Variants in MEIKIN observed in about 807,000 individuals in gnomAD.
MEIKIN encodes meiotic kinetochore factor, also known as meiosis-specific kinetochore protein.
intron 12 of MEIKIN, among the ~76,000 whole-genome samples, chr5:131,813,793 C>T (rs1773049445): frequency 6.6e-6 from 1 of 151,974 alleles, no homozygotes; most frequent in Admixed American, 6.6e-5. Flanking sequence ...TTGGAAAGAA[C>T]ATTGTATTAG....
At chr5:131,854,217 T>C (rs1023863854) in intron 10 of MEIKIN, among the ~76,000 whole-genome samples, 1 of 152,208 alleles carries the variant, frequency 6.6e-6, no homozygotes, top group East Asian at 1.9e-4. Flanking sequence ...GATGCCATGC[T>C]AAGTGACATA....
At chr5:131,945,353 G>C (rs1751945022) in intron 1 of MEIKIN, 47 bp downstream of exon 1, 1 of 399,002 alleles carries the variant, frequency 2.5e-6, no homozygotes, top group Admixed American at 4.4e-5. Flanking sequence ...GTCCCGTCCC[G>C]GAGGCAGCTC....
intron 12 of MEIKIN, 63 bp from the exon 13 acceptor site, chr5:131,807,321 T>C (rs1261655997): frequency 5.0e-6 from 2 of 397,734 alleles, no homozygotes; most frequent in African/African-American, 4.1e-5. Context: ...TACTTACTAA[T>C]AACCAGTCTG....
intron 5 of MEIKIN, among the ~76,000 whole-genome samples, chr5:131,931,944 T>C (rs369215918): frequency 1.2e-3 from 188 of 152,336 alleles, no homozygotes; most frequent in African/African-American, 4.3e-3. Flanking sequence ...CTAAGTGGTA[T>C]CCCTATGGCC....
At position 131,887,078 on chromosome 5, in the gene MEIKIN, G is replaced by A. The variant is rs192974926; in HGVS notation, c.704-8030C>T. Reference sequence around the variant, plus strand: ...TTCCCACCTATAGGTAAGAACATGCGGTATTTGGTTTTCTGTCCTTGTGAT... The same window carrying A: ...TTCCCACCTATAGGTAAGAACATGCAGTATTTGGTTTTCTGTCCTTGTGAT... On this transcript the variant is annotated intron_variant, in intron 8 of 12. Coordinates refer to ENST00000442687, the MANE Select transcript of MEIKIN (RefSeq NM_001303622.2). Among the ~76,000 whole-genome samples, 9 of 151,546 alleles carry A rather than the reference G, an allele frequency of 5.9e-5. No individual in the cohort carries two copies. The South Asian group carries it at 6.3e-4, about 11-fold the overall frequency.
chr5:131,820,549 T>C (rs1182572148), intron 11 of MEIKIN, among the ~76,000 whole-genome samples: 2 of 152,218 alleles, frequency 1.3e-5, no homozygotes, highest in African/African-American at 4.8e-5. Context: ...CAGAATGAAT[T>C]TGGAAGTATT....
At chr5:131,817,532 T>C (rs974480552) in intron 12 of MEIKIN, among the ~76,000 whole-genome samples, 25 of 150,914 alleles carry the variant, frequency 1.7e-4, no homozygotes, top group Non-Finnish European at 4.4e-5. Context: ...TGGAATATGG[T>C]GTGAACCTGG....
intron 10 of MEIKIN, among the ~76,000 whole-genome samples, 176 bp downstream of exon 10, chr5:131,854,578 C>T (rs940304694): frequency 2.6e-5 from 4 of 152,132 alleles, no homozygotes; most frequent in African/African-American, 9.7e-5. Context: ...ATTTTTCCTT[C>T]TCTCTTGCAT....
chr5:131,855,032 C>T (rs1750170970), intron 9 of MEIKIN, among the ~76,000 whole-genome samples, 198 bp from the exon 10 acceptor site: 1 of 152,102 alleles, frequency 6.6e-6, no homozygotes, highest in Non-Finnish European at 1.5e-5. Flanking sequence ...CAAACAACAT[C>T]CAAGAGAACT....
At chr5:131,905,184 C>A (rs1751223737) in intron 8 of MEIKIN, among the ~76,000 whole-genome samples, 1 of 152,100 alleles carries the variant, frequency 6.6e-6, no homozygotes, top group Non-Finnish European at 1.5e-5. Flanking sequence ...TAAAAACCTG[C>A]TCCTGAACGA....
At chr5:131,830,908 T>A (rs1749703443) in intron 11 of MEIKIN, among the ~76,000 whole-genome samples, 1 of 152,104 alleles carries the variant, frequency 6.6e-6, no homozygotes, top group Non-Finnish European at 1.5e-5. Context: ...CTTTGGTTTT[T>A]TTTTTTTTAG....
At chr5:131,895,717 G>C (rs900047907) in intron 8 of MEIKIN, among the ~76,000 whole-genome samples, 2 of 152,098 alleles carry the variant, frequency 1.3e-5, no homozygotes, top group African/African-American at 2.4e-5. Flanking sequence ...TTGTATTTCT[G>C]GGATCAGTGG....
At chr5:131,854,968 T>TA in intron 9 of MEIKIN, 134 bp from the exon 10 acceptor site, 2 of 380,524 alleles carry the variant, frequency 5.3e-6, no homozygotes, top group Non-Finnish European at 9.3e-6. Context: ...ATCTGTTCAT[T>TA]AAATTTTAAA....
intron 4 of MEIKIN, among the ~76,000 whole-genome samples, 174 bp from the exon 5 acceptor site, chr5:131,933,815 T>A (rs1580914187): frequency 1.3e-5 from 2 of 152,258 alleles, no homozygotes; most frequent in East Asian, 3.8e-4. Flanking sequence ...TTTAATTTGA[T>A]CTTGGACAAT....
chr5:131,890,486 T>C (rs1750890705), intron 8 of MEIKIN, among the ~76,000 whole-genome samples: 1 of 152,242 alleles, frequency 6.6e-6, no homozygotes, highest in African/African-American at 2.4e-5. Flanking sequence ...TCTTCTAGAT[T>C]TTCTAGTTTA....
chr5:131,894,231 G>C (rs946864979), intron 8 of MEIKIN, among the ~76,000 whole-genome samples: 2 of 152,118 alleles, frequency 1.3e-5, no homozygotes, highest in African/African-American at 4.8e-5. Context: ...TTATTTCTGA[G>C]GCCTCTGTTC....
chr5:131,841,723 T>C (rs1207872795), intron 11 of MEIKIN, among the ~76,000 whole-genome samples: 11 of 152,184 alleles, frequency 7.2e-5, no homozygotes. Context: ...ATCAATGAAA[T>C]GGTATATCAT....
chr5:131,888,841 T>C (rs962342076), intron 8 of MEIKIN, among the ~76,000 whole-genome samples: 2 of 152,360 alleles, frequency 1.3e-5, no homozygotes, highest in East Asian at 3.9e-4. Context: ...TTTATGGCTT[T>C]AGGTCTAACA....
chr5:131,873,444 A>G (rs552571662), intron 9 of MEIKIN, among the ~76,000 whole-genome samples: 8 of 152,290 alleles, frequency 5.3e-5, no homozygotes, highest in South Asian at 2.1e-4. Flanking sequence ...AACAAGAAGA[A>G]CTAACTATCC....
Sources: allele counts gnomAD v4.1 joint callset (sites outside exome capture counted in the v4.1 genomes callset), GRCh38; gene constraint gnomAD v4.1.1; transcripts MANE v1.5; gene names NCBI Gene and HGNC (gene_info 2026-07-23, HGNC 2026-07-21).